MBP: variants seen among roughly 807,000 people sequenced by gnomAD.
The protein encoded by MBP is Golli-MBP.
MBP carries 16 observed loss-of-function variants against 35.8 expected under a neutral mutation model. That is an observed-to-expected ratio of 0.45 (90% CI 0.30 to 0.68). The LOEUF (loss-of-function observed/expected upper bound fraction) is 0.68, where lower values mean the gene tolerates loss of function less well. MBP is among the 30% of genes least tolerant of loss of function. The probability of loss-of-function intolerance (pLI) is 0.08; values close to 1 mark genes in which losing one functional copy is unlikely to be tolerated. For missense variants in MBP, 380 were observed against 404.7 expected (o/e 0.94, Z 0.52); for synonymous variants, 143 against 159.6 (o/e 0.90, Z 0.78).
intron 4 of MBP, 120 bp downstream of exon 4, chr18:77,016,712 C>G: frequency 6.8e-7 from 1 of 1,477,950 alleles, no homozygotes; most frequent in Non-Finnish European, 9.0e-7. Context: ...CAGCACGGAA[C>G]GAGACCTTAG....
At chr18:77,091,408 A>T (rs1305247657) in intron 2 of MBP, among the ~76,000 whole-genome samples, 6 of 152,228 alleles carry the variant, frequency 3.9e-5, no homozygotes, top group Admixed American at 3.9e-4. Context: ...AATTTTATTT[A>T]TAATTATATG....
chr18:77,090,564 C>T lies in MBP; in HGVS notation c.51+14647G>A, dbSNP rs549703788. Among the ~76,000 whole-genome samples the T allele has an allele frequency of 6.6e-5, 10 of 152,350 alleles. No homozygotes were observed. The South Asian group carries it at 8.3e-4, about 13-fold the overall frequency. ...CCTGCAGCTGTGACCTCCCGGTGCA[C>T]CCGCAATGCCAGTCCTCAGTCTCCA... On this transcript the variant is annotated intron_variant, in intron 2 of 8. Coordinates refer to ENST00000355994, the MANE Select transcript of MBP (RefSeq NM_001025101.2).
chr18:77,086,741 C>T (rs941710556), intron 2 of MBP, among the ~76,000 whole-genome samples: 7 of 152,108 alleles, frequency 4.6e-5, no homozygotes, highest in Admixed American at 2.6e-4. Context: ...CATAAAAAAC[C>T]GATTTTCTTT....
At position 76,989,596 on chromosome 18, in the gene MBP, T is replaced by G. The variant is rs963610921; in HGVS notation, c.681+360A>C. ...CGGTTTCGCTGCCCGAAAAATGCCCTAAAAATGCCCTGTGCTCTCTCTGCT... is the reference window on the plus strand; with the variant it reads ...CGGTTTCGCTGCCCGAAAAATGCCCGAAAAATGCCCTGTGCTCTCTCTGCT... On this transcript the variant is annotated intron_variant, in intron 5 of 8. Transcript: ENST00000355994. This position sits in a 1 kb window ranked among gnomAD's most constrained non-coding sequence, Gnocchi z 4.0. 1 of 276,180 alleles carries G rather than the reference T, an allele frequency of 3.6e-6. No homozygotes were observed. 17.1% of individuals were successfully genotyped at this position (276,180 alleles called of 1,614,324 possible).
chr18:77,106,435 A>G (rs1976279214), intron 1 of MBP, among the ~76,000 whole-genome samples: 1 of 152,144 alleles, frequency 6.6e-6, no homozygotes, highest in African/African-American at 2.4e-5. Context: ...TGCTGAGAAG[A>G]GAAGCAAACG....
intron 1 of MBP, among the ~76,000 whole-genome samples, chr18:77,129,769 C>G (rs181864956): frequency 1.2e-4 from 19 of 152,166 alleles, no homozygotes; most frequent in African/African-American, 4.1e-4. Flanking sequence ...GTGGCTCATG[C>G]CTGTAATCCC....
chr18:77,069,026 T>C (rs780700842), intron 2 of MBP: 1 of 482,772 alleles, frequency 2.1e-6, no homozygotes, highest in Admixed American at 2.1e-5. Context: ...CAGCAGCCTG[T>C]GACTTCTGCG....
chr18:77,074,051 G>A (rs1974552399), intron 2 of MBP, among the ~76,000 whole-genome samples: 2 of 152,240 alleles, frequency 1.3e-5, no homozygotes, highest in African/African-American at 4.8e-5. Context: ...AGGGTCCTTA[G>A]CTCAGAGATG....
At chr18:77,031,772 G>A (rs1008392488) in intron 3 of MBP, among the ~76,000 whole-genome samples, 14 of 152,236 alleles carry the variant, frequency 9.2e-5, no homozygotes, top group African/African-American at 3.4e-4. Context: ...TGGGCTCCTG[G>A]TCCGTGCCTC....
At chr18:77,088,447 C>G (rs926067752) in intron 2 of MBP, among the ~76,000 whole-genome samples, 1 of 152,178 alleles carries the variant, frequency 6.6e-6, no homozygotes, top group African/African-American at 2.4e-5. Context: ...GGCCACCAAC[C>G]TTCAGGGCAC....
intron 4 of MBP, among the ~76,000 whole-genome samples, chr18:77,008,156 G>T (rs997226439): frequency 6.6e-6 from 1 of 152,150 alleles, no homozygotes; most frequent in Non-Finnish European, 1.5e-5. Flanking sequence ...TGGGTGCTGT[G>T]CCACCCTTAG....
At chr18:77,094,789 G>C (rs561968467) in intron 2 of MBP, among the ~76,000 whole-genome samples, 2 of 152,182 alleles carry the variant, frequency 1.3e-5, no homozygotes, top group Admixed American at 6.5e-5. Context: ...GTTGTCCCAG[G>C]GGGGAGCCAC....
rs541719688 is a variant in MBP at position 77,123,521 on chromosome 18, G to A, written c.-26+9059C>T. Among the ~76,000 whole-genome samples the A allele has an allele frequency of 1.9e-4, 29 of 152,302 alleles. No individual in the cohort carries two copies. In the East Asian group the frequency reaches 5.4e-3, roughly 28 times the overall value. On this transcript the variant is annotated intron_variant, in intron 1 of 8. Coordinates refer to ENST00000355994, the MANE Select transcript of MBP (RefSeq NM_001025101.2). ...GACCTGGAAACACCGAGGCACTCAC[G>A]GTCTGTTTCCTTCCTTCACTTACAG...
At chr18:77,083,833 T>G (rs1599212220) in intron 2 of MBP, among the ~76,000 whole-genome samples, 1 of 152,268 alleles carries the variant, frequency 6.6e-6, no homozygotes, top group South Asian at 2.1e-4. Context: ...CGGTGATTGC[T>G]GAGGGCTGTA....
intron 3 of MBP, among the ~76,000 whole-genome samples, chr18:77,061,512 G>A (rs759472885): frequency 6.6e-6 from 1 of 152,186 alleles, no homozygotes; most frequent in Non-Finnish European, 1.5e-5. Flanking sequence ...AAACAGAGGA[G>A]TTCATTGCTA....
In MBP at chr18:76,984,889, G is replaced by A. The variant is rs747179199; in HGVS notation, c.756C>T (p.Ala252=). Reference sequence around the variant, plus strand: ...AGCCAAATCCTGGTCTCTGGCCTTCGGCCCCCTGCAAGAGAAGACCACGGA... The same window carrying A: ...AGCCAAATCCTGGTCTCTGGCCTTCAGCCCCCTGCAAGAGAAGACCACGGA... ...GLSLSRFSWG[A]EGQRPGFGYG... is the part of the protein sequence containing the mutation. Residue 252 remains alanine, a synonymous_variant, in exon 8 of 9, where the codon GCC becomes GCT. Coordinates refer to ENST00000355994, the MANE Select transcript of MBP (RefSeq NM_001025101.2). 11 of 1,613,282 alleles carry A rather than the reference G, an allele frequency of 6.8e-6. No homozygotes were observed. Among genetic ancestry groups the A allele is most frequent in the South Asian group, 2.2e-5 (2 of 91,046 alleles).
chr18:77,068,041 G>C (rs921344852), intron 2 of MBP, among the ~76,000 whole-genome samples: 3 of 136,196 alleles, frequency 2.2e-5, no homozygotes, highest in Non-Finnish European at 4.8e-5. Context: ...GTGTGTGTTT[G>C]TGTGTGTGTG....
intron 3 of MBP, among the ~76,000 whole-genome samples, chr18:77,041,929 T>TAA (rs11370656): frequency 0.04 from 5,899 of 146,326 alleles, 252 homozygotes; most frequent in East Asian, 0.14. Flanking sequence ...AAAGTATAAT[T>TAA]AAAAAAAAAA....
chr18:77,132,477 G>A (rs1977318432), intron 1 of MBP, 103 bp downstream of exon 1: 1 of 152,228 alleles, frequency 6.6e-6, no homozygotes, highest in Non-Finnish European at 1.5e-5. Context: ...GGCTCCCGCG[G>A]GGCTCCGGTC....
Sources: allele counts gnomAD v4.1 joint callset (sites outside exome capture counted in the v4.1 genomes callset), GRCh38; gene constraint gnomAD v4.1.1; non-coding constraint Gnocchi (gnomAD v3.1); transcripts MANE v1.5; gene names NCBI Gene and HGNC (gene_info 2026-07-23, HGNC 2026-07-21).